CYP4F8: variants seen among roughly 807,000 people sequenced by gnomAD.
CYP4F8 encodes the protein cytochrome P450 family 4 subfamily F member 8.
CYP4F8 carries 56 observed loss-of-function variants against 55.0 expected under a neutral mutation model. The ratio of observed to expected loss-of-function variants is 1.02; its 90% CI spans 0.82 to 1.27. The LOEUF is 1.27. Among genes scored for constraint, CYP4F8 ranks in the 50% most tolerant of loss-of-function variants. The pLI, the probability that CYP4F8 is intolerant of heterozygous loss-of-function variation, is 0.00. For missense variants in CYP4F8, 680 were observed against 682.4 expected (o/e 1.00, Z 0.04); for synonymous variants, 288 against 267.3 (o/e 1.08, Z -0.76).
intron 6 of CYP4F8, among the ~76,000 whole-genome samples, chr19:15,622,606 G>A (rs1391700471): frequency 6.7e-6 from 1 of 148,356 alleles, no homozygotes; most frequent in Non-Finnish European, 1.5e-5. Context: ...TGGAAATGAA[G>A]GTGGAGGGGT....
At chr19:15,619,176 G>A in intron 3 of CYP4F8, 1 of 298,768 alleles carries the variant, frequency 3.3e-6, no homozygotes, top group Non-Finnish European at 6.3e-6. Context: ...CTCTTATTCT[G>A]TAAATGTGTT....
chr19:15,616,702 C>T (rs188712989), intron 2 of CYP4F8, among the ~76,000 whole-genome samples: 8 of 152,280 alleles, frequency 5.3e-5, no homozygotes, highest in African/African-American at 1.7e-4. Context: ...TCTTCTTTAT[C>T]CCCACTAAGC....
chr19:15,623,468 A>C, intron 7 of CYP4F8, 93 bp downstream of exon 7: 4 of 1,553,144 alleles, frequency 2.6e-6, no homozygotes, highest in Non-Finnish European at 3.5e-6. Context: ...GAGGGCACTA[A>C]GGAGCCATGG....
At chr19:15,618,208 C>A (rs1167534975) in intron 3 of CYP4F8, 64 bp downstream of exon 3, 12 of 1,609,906 alleles carry the variant, frequency 7.5e-6, no homozygotes, top group Non-Finnish European at 9.3e-6. Context: ...AGATCTCATC[C>A]CCAAAGCTTC....
chr19:15,622,456 T>C, intron 6 of CYP4F8, 116 bp downstream of exon 6: 1 of 1,399,110 alleles, frequency 7.1e-7, no homozygotes, highest in Non-Finnish European at 9.7e-7. Context: ...GAACTAGGCA[T>C]TGAAGGACAA....
Position 15,624,004 on chromosome 19 carries a change from A to G in CYP4F8, c.1025A>G (p.Tyr342Cys), listed in dbSNP as rs1310822360. ...TTASGLSWVL[Y>C]NLARHPEYQE... is the part of the protein sequence containing the mutation. ...GCCAGTGGCCTCTCCTGGGTCTTGT[A>G]CAACCTCGCGAGGCACCCAGAATAC... The change falls in exon 9 of 13, where the codon TAC (tyrosine) becomes TGC (cysteine). Residue 342 changes from tyrosine (Y) to cysteine (C), a missense_variant. By Grantham distance (194) the Tyr-to-Cys change is radical. Transcript: ENST00000612078. 6.2e-7 allele frequency: 1 copy of G among 1,614,130 alleles called. No homozygotes were observed. Among genetic ancestry groups the G allele is most frequent in the Non-Finnish European group, 8.5e-7 (1 of 1,180,022 alleles).
intron 3 of CYP4F8, 132 bp downstream of exon 3, chr19:15,618,276 C>T (rs1972149902): frequency 3.6e-6 from 5 of 1,382,918 alleles, no homozygotes; most frequent in South Asian, 1.2e-5. Context: ...AGCCACCTTC[C>T]TCTTTCCTTC....
intron 9 of CYP4F8, among the ~76,000 whole-genome samples, chr19:15,624,679 G>A (rs1168382883): frequency 6.6e-6 from 1 of 152,094 alleles, no homozygotes; most frequent in Non-Finnish European, 1.5e-5. Context: ...CAGATTTTGA[G>A]AATACCAAAT....
intron 7 of CYP4F8, 123 bp from the exon 8 acceptor site, chr19:15,623,576 A>G (rs992342806): frequency 3.0e-6 from 3 of 993,462 alleles, no homozygotes; most frequent in Non-Finnish European, 4.1e-6. Flanking sequence ...GGAAGGAAGC[A>G]TGTGGGGGTA....
intron 6 of CYP4F8, 64 bp from the exon 7 acceptor site, chr19:15,623,041 G>A: frequency 1.3e-6 from 2 of 1,547,674 alleles, no homozygotes; most frequent in Non-Finnish European, 1.8e-6. Context: ...ATTCTGGCTG[G>A]AAGGTGCTCC....
intron 7 of CYP4F8, 151 bp downstream of exon 7, chr19:15,623,526 A>T: frequency 9.7e-7 from 1 of 1,036,226 alleles, no homozygotes; most frequent in South Asian, 1.8e-5. Context: ...TTTAGAGGTG[A>T]TTGCATAGAA....
In CYP4F8 at chr19:15,628,781, C is replaced by A. The variant is rs376016975; in HGVS notation, c.1335C>A (p.Phe445Leu). The change falls in exon 12 of 13, where the codon TTC (phenylalanine) becomes TTA (leucine). Residue 445 changes from phenylalanine (F) to leucine (L), a missense_variant. Physicochemically the swap from Phe to Leu is conservative, Grantham distance 22 (BLOSUM62 0). Transcript: ENST00000612078. ...CCCAGGTCTATGACCCCTTCCGCTT[C>A]GACCCAGAAAACGCCCAGAAGAGGT... The part of the protein sequence containing the change: ...PDPEVYDPFR[F>L]DPENAQKRSP... The A allele has an allele frequency of 6.2e-7, 1 of 1,612,062 alleles. No homozygotes were observed. Among genetic ancestry groups the A allele is most frequent in the Non-Finnish European group, 8.5e-7 (1 of 1,179,338 alleles).
chr19:15,615,476 C>T, intron 1 of CYP4F8, 140 bp from the exon 2 acceptor site: 1 of 939,040 alleles, frequency 1.1e-6, no homozygotes, highest in Non-Finnish European at 1.5e-6. Context: ...CTCCTCTCCC[C>T]TCTCCCTTGG....
rs1311744313 is a variant in CYP4F8 at position 15,624,016 on chromosome 19, G to A, written c.1037G>A (p.Arg346Lys). Reference protein sequence around the residue: ...GLSWVLYNLARHPEYQERCRQ... With the variant: ...GLSWVLYNLAKHPEYQERCRQ... Reference sequence around the variant, plus strand: ...TCCTGGGTCTTGTACAACCTCGCGAGGCACCCAGAATACCAAGAACGCTGC... The same window carrying A: ...TCCTGGGTCTTGTACAACCTCGCGAAGCACCCAGAATACCAAGAACGCTGC... Residue 346 changes from arginine to lysine, a missense_variant, in exon 9 of 13, where the codon AGG becomes AAG. By Grantham distance (26) the Arg-to-Lys change is conservative. Coordinates refer to ENST00000612078, the MANE Select transcript of CYP4F8 (RefSeq NM_007253.4). 1.2e-6 allele frequency: 2 copies of A among 1,614,056 alleles called. No homozygotes were observed. Among genetic ancestry groups the A allele is most frequent in the Non-Finnish European group, 1.7e-6 (2 of 1,180,052 alleles).
chr19:15,623,232 G>A lies in CYP4F8; in HGVS notation c.775G>A (p.Ala259Thr), dbSNP rs767757124. The change falls in exon 7 of 13, where the codon GCC (alanine) becomes ACC (threonine). Residue 259 changes from alanine to threonine, a missense_variant. Physicochemically the swap from Ala to Thr is moderately conservative, Grantham distance 58. Transcript: ENST00000612078. Reference protein sequence around the residue: ...LTPCGRRFHRACRLVHDFTDA... With the variant: ...LTPCGRRFHRTCRLVHDFTDA... ...TCCCTGTGGACGGCGCTTCCACAGG[G>A]CCTGCAGACTGGTGCACGACTTCAC... The A allele has an allele frequency of 1.9e-6, 3 of 1,614,060 alleles. No individual in the cohort carries two copies. Among genetic ancestry groups the A allele is most frequent in the Non-Finnish European group, 1.7e-6 (2 of 1,180,028 alleles).
In CYP4F8 at chr19:15,615,789, A is replaced by G; in HGVS notation, c.173A>G (p.Asn58Ser). The part of the protein sequence containing the change: ...LRCFPQPRKQ[N>S]WFLGHLGLVT... ...TGTTTCCCGCAGCCCCGGAAACAGA[A>G]CTGGTTCTTGGGTCACCTGGGCCTG... Residue 58 changes from asparagine (N) to serine (S), a missense_variant, in exon 2 of 13, where the codon AAC (asparagine) becomes AGC (serine). Asn to Ser is a conservative substitution (Grantham distance 46, BLOSUM62 1). Transcript: ENST00000612078. 5 of 1,613,302 alleles carry G rather than the reference A, an allele frequency of 3.1e-6. No individual in the cohort carries two copies. The highest frequency in any genetic ancestry group is 4.2e-6 in the Non-Finnish European group (5 of 1,179,554).
Position 15,623,110 on chromosome 19 carries a change from C to A in CYP4F8, c.653C>A (p.Pro218His), listed in dbSNP as rs770716905. 1.9e-6 allele frequency: 3 copies of A among 1,613,252 alleles called. No homozygotes were observed. Among genetic ancestry groups the A allele is most frequent in the South Asian group, 2.2e-5 (2 of 91,056 alleles). ...FSFDSNCQEK[P>H]SEYITAIMEL... ...TCTCTGGACTGGCCCTGCAGGAAGC[C>A]CAGTGAATATATTACTGCGATCATG... The change falls in exon 7 of 13, where the codon CCC becomes CAC. Residue 218 changes from proline (P) to histidine (H), a missense_variant. By Grantham distance (77) the Pro-to-His change is moderately conservative. Coordinates refer to ENST00000612078, the MANE Select transcript of CYP4F8 (RefSeq NM_007253.4).
In CYP4F8 at chr19:15,628,370, T is replaced by A. The variant is rs1599864572; in HGVS notation, c.1184T>A (p.Ile395Asn). 6.2e-7 allele frequency: 1 copy of A among 1,613,818 alleles called. No homozygotes were observed. The highest frequency in any genetic ancestry group is 1.3e-5 in the African/African-American group (1 of 74,828). The change falls in exon 10 of 13, where the codon ATC becomes AAC. Residue 395 changes from isoleucine (I) to asparagine (N), a missense_variant. Physicochemically the swap from Ile to Asn is moderately radical, Grantham distance 149. Coordinates refer to ENST00000612078, the MANE Select transcript of CYP4F8 (RefSeq NM_007253.4). Reference sequence around the variant, plus strand: ...GAGAGCCTGCGGTTGCATCCCCCAATCCCTACATTCGCCCGCGGCTGCACC... The same window carrying A: ...GAGAGCCTGCGGTTGCATCCCCCAAACCCTACATTCGCCCGCGGCTGCACC... ...LKESLRLHPP[I>N]PTFARGCTQD...
intron 8 of CYP4F8, 30 bp from the exon 9 acceptor site, chr19:15,623,935 G>T: frequency 6.2e-7 from 1 of 1,611,954 alleles, no homozygotes. Context: ...AAGCAGCCCA[G>T]AGACTCAAGC....
Sources: gnomAD v4.1 joint callset for allele counts (sites outside exome capture counted in the v4.1 genomes callset) on GRCh38, gnomAD v4.1.1 for gene constraint, MANE v1.5 for transcripts, NCBI Gene and HGNC (gene_info 2026-07-23, HGNC 2026-07-21) for gene names.